Variants in B3GLCT observed in about 807,000 individuals in gnomAD.
The protein encoded by B3GLCT is beta-1,3-glucosyltransferase.
In B3GLCT, 65 loss-of-function variants were observed where a neutral mutation model predicts 63.4. That is an observed-to-expected ratio of 1.03 (90% CI 0.84 to 1.26). The LOEUF (loss-of-function observed/expected upper bound fraction) is 1.26. B3GLCT is among the 50% of genes most tolerant of loss of function. The pLI is 0.00. For synonymous variants in B3GLCT, 233 were observed against 219.2 expected (o/e 1.06, Z -0.55); for missense variants, 577 against 604.8 (o/e 0.95, Z 0.48).
At chr13:31,225,990 T>A (rs1005935715) in intron 3 of B3GLCT, among the ~76,000 whole-genome samples, 1 of 152,228 alleles carries the variant, frequency 6.6e-6, no homozygotes, top group African/African-American at 2.4e-5. Context: ...CAGAAATGCC[T>A]GACAGACATG....
In B3GLCT at chr13:31,247,077, A is replaced by T; in HGVS notation, c.325A>T (p.Thr109Ser). 1 of 1,613,080 alleles carries T rather than the reference A, an allele frequency of 6.2e-7. No individual in the cohort carries two copies. Among genetic ancestry groups the T allele is most frequent in the Non-Finnish European group, 8.5e-7 (1 of 1,179,672 alleles). Reference sequence around the variant, plus strand: ...GCTGGCTAAACAAGAAGGTGCATGGACCATACTTCCGTTGTTACCGCAGTA... The same window carrying T: ...GCTGGCTAAACAAGAAGGTGCATGGTCCATACTTCCGTTGTTACCGCAGTA... ...HQLAKQEGAW[T>S]ILPLLPHFSV... Residue 109 changes from threonine to serine, a missense_variant, in exon 5 of 15, where the codon ACC (threonine) becomes TCC (serine). Physicochemically the swap from Thr to Ser is moderately conservative, Grantham distance 58. Coordinates refer to ENST00000343307, the MANE Select transcript of B3GLCT (RefSeq NM_194318.4).
intron 13 of B3GLCT, among the ~76,000 whole-genome samples, chr13:31,320,849 C>A (rs1875298299): frequency 6.6e-6 from 1 of 152,320 alleles, no homozygotes; most frequent in East Asian, 1.9e-4. Flanking sequence ...ATTGTTTCCC[C>A]AACTTTCTGC....
intron 12 of B3GLCT, among the ~76,000 whole-genome samples, chr13:31,290,871 C>G (rs1267316406): frequency 2.0e-5 from 3 of 152,136 alleles, no homozygotes; most frequent in African/African-American, 7.2e-5. Context: ...TTAATTGGAT[C>G]CTGTTTGTCA....
intron 12 of B3GLCT, among the ~76,000 whole-genome samples, chr13:31,290,687 G>T (rs1232714039): frequency 6.6e-6 from 1 of 152,062 alleles, no homozygotes; most frequent in Non-Finnish European, 1.5e-5. Flanking sequence ...CATATCCTTT[G>T]TCCACTTTTT....
chr13:31,264,247 A>G (rs1872183567), intron 7 of B3GLCT, among the ~76,000 whole-genome samples: 1 of 152,144 alleles, frequency 6.6e-6, no homozygotes, highest in Non-Finnish European at 1.5e-5. Context: ...GTAATAGGGA[A>G]CTATGACTAA....
intron 10 of B3GLCT, among the ~76,000 whole-genome samples, chr13:31,280,439 T>C (rs1873015682): frequency 6.6e-6 from 1 of 152,028 alleles, no homozygotes; most frequent in African/African-American, 2.4e-5. Flanking sequence ...AGGAAAAAAA[T>C]CTAGAGAAAC....
chr13:31,203,210 C>T (rs1020387080), intron 1 of B3GLCT, among the ~76,000 whole-genome samples: 1 of 152,124 alleles, frequency 6.6e-6, no homozygotes, highest in African/African-American at 2.4e-5. Flanking sequence ...AGAGTCAGAC[C>T]TAATTCCAGG....
intron 4 of B3GLCT, among the ~76,000 whole-genome samples, chr13:31,234,584 T>C (rs1432024813): frequency 6.6e-6 from 1 of 151,890 alleles, no homozygotes; most frequent in African/African-American, 2.4e-5. Context: ...AGCACAGGTG[T>C]GTGGGCTGTG....
At chr13:31,318,515 C>T (rs969714593) in intron 13 of B3GLCT, among the ~76,000 whole-genome samples, 5 of 152,140 alleles carry the variant, frequency 3.3e-5, no homozygotes, top group African/African-American at 4.8e-5. Flanking sequence ...GAAGATAACA[C>T]GGTTATGGTG....
chr13:31,223,506 C>A (rs1869933025), intron 3 of B3GLCT, among the ~76,000 whole-genome samples: 1 of 152,214 alleles, frequency 6.6e-6, no homozygotes, highest in Admixed American at 6.5e-5. Context: ...GCCGTTACTC[C>A]TTCCTTTGTA....
At chr13:31,232,817 T>C (rs1870450663) in intron 4 of B3GLCT, among the ~76,000 whole-genome samples, 2 of 152,252 alleles carry the variant, frequency 1.3e-5, no homozygotes, top group Non-Finnish European at 2.9e-5. Flanking sequence ...TACCTGTCTC[T>C]TTTACAAATT....
At chr13:31,287,196 C>T (rs932913514) in intron 12 of B3GLCT, among the ~76,000 whole-genome samples, 5 of 152,072 alleles carry the variant, frequency 3.3e-5, no homozygotes, top group African/African-American at 1.2e-4. Context: ...GTTTGCAGGA[C>T]AGAGTACCAG....
intron 1 of B3GLCT, among the ~76,000 whole-genome samples, chr13:31,212,267 CTT>C (rs59719685): frequency 2.1e-3 from 189 of 91,630 alleles, no homozygotes; most frequent in African/African-American, 7.2e-3. Context: ...GCATAACTGG[CTT>C]TTTTTTTTTT....
chr13:31,237,714 T>G (rs964665110), intron 4 of B3GLCT, among the ~76,000 whole-genome samples: 9 of 152,186 alleles, frequency 5.9e-5, no homozygotes, highest in African/African-American at 1.9e-4. Context: ...CTCCGTCAGC[T>G]GTGGGAGCTG....
intron 14 of B3GLCT, among the ~76,000 whole-genome samples, chr13:31,328,600 G>A (rs1027940820): frequency 2.7e-5 from 4 of 149,388 alleles, no homozygotes; most frequent in Non-Finnish European, 5.9e-5. Flanking sequence ...GGCTGAGGCC[G>A]GAGAATCGCT....
intron 11 of B3GLCT, 68 bp from the exon 12 acceptor site, chr13:31,286,649 AAAG>A: frequency 8.8e-7 from 1 of 1,132,438 alleles, no homozygotes; most frequent in South Asian, 1.5e-5. Flanking sequence ...TCAAAACTAA[AAAG>A]AAATGAACAA....
chr13:31,235,325 G>T (rs1354495319), intron 4 of B3GLCT, among the ~76,000 whole-genome samples: 6 of 152,120 alleles, frequency 3.9e-5, no homozygotes, highest in African/African-American at 9.7e-5. Flanking sequence ...TTGGCCAGAA[G>T]ATGGTAGATT....
intron 12 of B3GLCT, chr13:31,312,921 T>G (rs934068374): frequency 6.6e-6 from 1 of 152,202 alleles, no homozygotes; most frequent in Non-Finnish European, 1.5e-5. Flanking sequence ...CTAGAGTCAC[T>G]TTGTGTGCCG....
intron 4 of B3GLCT, among the ~76,000 whole-genome samples, chr13:31,233,238 G>T (rs555186421): frequency 6.6e-6 from 1 of 152,048 alleles, no homozygotes; most frequent in Non-Finnish European, 1.5e-5. Flanking sequence ...ATTTCTCTCA[G>T]TGAAACCGCA....
Sources: allele counts gnomAD v4.1 joint callset (sites outside exome capture counted in the v4.1 genomes callset), GRCh38; gene constraint gnomAD v4.1.1; transcripts MANE v1.5; gene names NCBI Gene and HGNC (gene_info 2026-07-23, HGNC 2026-07-21).